The following SBF2 variants were observed in gnomAD, a reference collection of about 807,000 sequenced individuals.
SBF2 encodes the protein SET binding factor 2, also known as myotubularin-related protein 13.
A neutral mutation model predicts 225.2 loss-of-function variants in SBF2; 112 were observed. That is an observed-to-expected ratio of 0.50 (90% CI 0.43 to 0.58). SBF2 has a LOEUF of 0.58. SBF2 is among the 20% of genes least tolerant of loss of function. SBF2 has a pLI of 0.00. For missense variants in SBF2, 1,996 were observed against 2,206.2 expected (o/e 0.90, Z 1.91); for synonymous variants, 763 against 773.3 (o/e 0.99, Z 0.22).
chr11:10,152,555 A>G (rs1955259235), intron 2 of SBF2, among the ~76,000 whole-genome samples: 1 of 152,074 alleles, frequency 6.6e-6, no homozygotes, highest in Non-Finnish European at 1.5e-5. Context: ...ATCTCAAAAA[A>G]AAAAAGAAGA....
intron 17 of SBF2, among the ~76,000 whole-genome samples, chr11:9,864,170 G>A (rs1857991799): frequency 6.6e-6 from 1 of 152,166 alleles, no homozygotes; most frequent in South Asian, 2.1e-4. Context: ...TAAATGGGAT[G>A]ACTATAAGCA....
intron 6 of SBF2, among the ~76,000 whole-genome samples, chr11:10,022,348 T>C (rs142587322): frequency 8.1e-4 from 123 of 152,312 alleles, no homozygotes; most frequent in African/African-American, 2.8e-3. Context: ...CTTTTTGTTA[T>C]GTGAGAAGGA....
At chr11:10,058,672 C>A (rs1950334190) in intron 2 of SBF2, among the ~76,000 whole-genome samples, 1 of 152,110 alleles carries the variant, frequency 6.6e-6, no homozygotes, top group African/African-American at 2.4e-5. Flanking sequence ...AGAACTCCTG[C>A]AACATTCTAC....
intron 2 of SBF2, among the ~76,000 whole-genome samples, chr11:10,045,596 G>A (rs1218634631): frequency 6.6e-6 from 1 of 152,164 alleles, no homozygotes; most frequent in Admixed American, 6.5e-5. Flanking sequence ...TTGTGTCCAC[G>A]TTCAATTGAG....
chr11:10,174,695 A>G (rs1956375058), intron 2 of SBF2, among the ~76,000 whole-genome samples: 1 of 152,172 alleles, frequency 6.6e-6, no homozygotes, highest in South Asian at 2.1e-4. Flanking sequence ...GAGCAACTCC[A>G]AGACACATAA....
At chr11:9,934,903 G>C (rs1565026992) in intron 16 of SBF2, among the ~76,000 whole-genome samples, 1 of 152,172 alleles carries the variant, frequency 6.6e-6, no homozygotes, top group Non-Finnish European at 1.5e-5. Context: ...CACAAGACAA[G>C]GATGCCCTTT....
At chr11:9,905,203 T>C (rs1319245080) in intron 16 of SBF2, among the ~76,000 whole-genome samples, 2 of 152,214 alleles carry the variant, frequency 1.3e-5, no homozygotes, top group Non-Finnish European at 2.9e-5. Context: ...GGCTAGGAAA[T>C]GCTTAGCATA....
chr11:10,240,253 A>G (rs1304635689), intron 1 of SBF2, among the ~76,000 whole-genome samples: 1 of 140,540 alleles, frequency 7.1e-6, no homozygotes, highest in African/African-American at 2.7e-5. Flanking sequence ...CATACAATTA[A>G]AAGAACAAAA....
chr11:10,036,633 G>A (rs1299390623), intron 3 of SBF2, among the ~76,000 whole-genome samples: 1 of 152,142 alleles, frequency 6.6e-6, no homozygotes, highest in Non-Finnish European at 1.5e-5. Flanking sequence ...CCAGAGGGAT[G>A]AAATGACTTG....
At chr11:9,988,399 A>G (rs1481782466) in intron 13 of SBF2, among the ~76,000 whole-genome samples, 2 of 152,216 alleles carry the variant, frequency 1.3e-5, no homozygotes, top group South Asian at 2.1e-4. Context: ...AAAAACAAAG[A>G]TGAATAACTG....
intron 2 of SBF2, among the ~76,000 whole-genome samples, chr11:10,063,858 C>CACAGAGAG (rs373423157): frequency 3.9e-3 from 526 of 136,206 alleles, no homozygotes; most frequent in African/African-American, 5.5e-3. Flanking sequence ...CACACACACA[C>CACAGAGAG]AGAGAGAGAG....
intron 13 of SBF2, among the ~76,000 whole-genome samples, chr11:9,980,445 C>T (rs1413441357): frequency 6.7e-6 from 1 of 150,168 alleles, no homozygotes; most frequent in African/African-American, 2.5e-5. Context: ...CTAAATTCAT[C>T]TTTTAACAGG....
intron 16 of SBF2, among the ~76,000 whole-genome samples, chr11:9,953,353 G>A (rs1331910383): frequency 1.3e-5 from 2 of 151,992 alleles, no homozygotes; most frequent in Non-Finnish European, 2.9e-5. Flanking sequence ...CTGAGGCAGA[G>A]AATTGCTTAA....
intron 24 of SBF2, 57 bp downstream of exon 24, chr11:9,845,508 T>A: frequency 6.8e-7 from 1 of 1,477,186 alleles, no homozygotes; most frequent in Non-Finnish European, 9.5e-7. Context: ...GATAGGTTAC[T>A]CCTTTTGCAA....
At chr11:9,889,999 G>A (rs1435998868) in intron 17 of SBF2, among the ~76,000 whole-genome samples, 3 of 152,134 alleles carry the variant, frequency 2.0e-5, no homozygotes, top group Non-Finnish European at 4.4e-5. Context: ...CACCTCCCAG[G>A]TTCAACAGAT....
chr11:10,131,226 AT>A (rs151119580), intron 2 of SBF2, among the ~76,000 whole-genome samples: 11,744 of 144,054 alleles, frequency 0.082, 594 homozygotes, highest in East Asian at 0.29. Flanking sequence ...ATTGCCACTA[AT>A]TTTTTTTTTT....
At chr11:10,261,743 G>A (rs1480914569) in intron 1 of SBF2, among the ~76,000 whole-genome samples, 2 of 152,186 alleles carry the variant, frequency 1.3e-5, no homozygotes, top group Non-Finnish European at 2.9e-5. Flanking sequence ...TCAATAGAAT[G>A]GATATGCAAA....
chr11:10,232,597 T>C (rs1277031497), intron 1 of SBF2, among the ~76,000 whole-genome samples: 1 of 151,036 alleles, frequency 6.6e-6, no homozygotes, highest in Non-Finnish European at 1.5e-5. Context: ...AAGGTCTTGC[T>C]CTGTCACCGA....
chr11:10,275,933 C>G (rs940410890), intron 1 of SBF2, among the ~76,000 whole-genome samples: 2 of 152,044 alleles, frequency 1.3e-5, no homozygotes, highest in Admixed American at 1.3e-4. Context: ...TTACAACATG[C>G]TATACAGGTT....
Sources: gnomAD v4.1 joint callset for allele counts (sites outside exome capture counted in the v4.1 genomes callset) on GRCh38, gnomAD v4.1.1 for gene constraint, MANE v1.5 for transcripts, NCBI Gene and HGNC (gene_info 2026-07-23, HGNC 2026-07-21) for gene names.